NTRK3: variants seen among roughly 807,000 people sequenced by gnomAD.
The protein encoded by NTRK3 is NT-3 growth factor receptor.
In NTRK3, 24 loss-of-function variants were observed where a neutral mutation model predicts 91.7. The observed-to-expected ratio is 0.26, with a 90% CI of 0.19 to 0.37. NTRK3 has a LOEUF of 0.37. Ranked by LOEUF, NTRK3 falls within the 10% of genes least tolerant of loss-of-function variation. The pLI is 1.00. For missense variants in NTRK3, 880 were observed against 1,068.9 expected (o/e 0.82, Z 2.46); for synonymous variants, 483 against 404.0 (o/e 1.20, Z -2.34).
intron 14 of NTRK3, among the ~76,000 whole-genome samples, chr15:88,008,769 CAT>C (rs1340112830): frequency 2.6e-5 from 4 of 152,100 alleles, no homozygotes; most frequent in Admixed American, 6.5e-5. Context: ...CTCCATTATT[CAT>C]AAAGGCATAT....
At chr15:88,135,632 T>C (rs2041804049) in intron 9 of NTRK3, among the ~76,000 whole-genome samples, 1 of 152,180 alleles carries the variant, frequency 6.6e-6, no homozygotes, top group Non-Finnish European at 1.5e-5. Context: ...AGGGGTTTCA[T>C]AAAAGGCAGA....
chr15:88,043,647 C>T (rs1156689064), intron 13 of NTRK3, among the ~76,000 whole-genome samples: 2 of 152,132 alleles, frequency 1.3e-5, no homozygotes, highest in Non-Finnish European at 2.9e-5. Flanking sequence ...AGGGCTAAGC[C>T]CAAATGCCTC....
At chr15:88,085,407 A>G (rs980905226) in intron 13 of NTRK3, among the ~76,000 whole-genome samples, 6 of 152,342 alleles carry the variant, frequency 3.9e-5, no homozygotes, top group African/African-American at 1.4e-4. Flanking sequence ...TAAGAGGTAC[A>G]GACTGTTTCT....
exon 19 of NTRK3, chr15:87,873,547 A>G (rs2064878898): frequency 8.6e-6 from 2 of 231,684 alleles, no homozygotes; most frequent in Admixed American, 5.6e-5. Context: ...AAAAGACACA[A>G]AAGAGCTCAC....
At chr15:87,987,617 A>G (rs1162917050) in intron 14 of NTRK3, among the ~76,000 whole-genome samples, 1 of 151,928 alleles carries the variant, frequency 6.6e-6, no homozygotes, top group Non-Finnish European at 1.5e-5. Flanking sequence ...TTATATATAT[A>G]TGCATTGAAA....
At chr15:87,932,537 G>A (rs2068895230) in intron 16 of NTRK3, among the ~76,000 whole-genome samples, 1 of 152,162 alleles carries the variant, frequency 6.6e-6, no homozygotes, top group Non-Finnish European at 1.5e-5. Flanking sequence ...GCCACCTGAT[G>A]AATTGTAACC....
intron 3 of NTRK3, among the ~76,000 whole-genome samples, chr15:88,198,276 C>T (rs770119407): frequency 2.0e-5 from 3 of 152,092 alleles, no homozygotes; most frequent in African/African-American, 7.2e-5. Flanking sequence ...GCTTCCTCCT[C>T]CTCTCATAAC....
chr15:88,010,088 C>G (rs1596671993), intron 14 of NTRK3, among the ~76,000 whole-genome samples: 1 of 152,196 alleles, frequency 6.6e-6, no homozygotes. Context: ...ATTCTGTTCT[C>G]TGGCCTGTTT....
intron 5 of NTRK3, among the ~76,000 whole-genome samples, chr15:88,179,945 CTG>C (rs1382811612): frequency 6.6e-6 from 1 of 152,228 alleles, no homozygotes; most frequent in African/African-American, 2.4e-5. Context: ...GTGGGCTCCA[CTG>C]TGAGACAGAA....
intron 3 of NTRK3, among the ~76,000 whole-genome samples, chr15:88,238,395 A>T (rs1238895521): frequency 6.6e-6 from 1 of 152,168 alleles, no homozygotes; most frequent in Non-Finnish European, 1.5e-5. Context: ...TGAATATTTT[A>T]TCTACTCATC....
At chr15:88,211,265 A>G (rs747980999) in intron 3 of NTRK3, among the ~76,000 whole-genome samples, 6 of 152,226 alleles carry the variant, frequency 3.9e-5, no homozygotes, top group Non-Finnish European at 8.8e-5. Context: ...TAAAATATGC[A>G]CATGCATTTG....
At chr15:87,930,543 A>T (rs2068703171) in intron 16 of NTRK3, among the ~76,000 whole-genome samples, 1 of 152,144 alleles carries the variant, frequency 6.6e-6, no homozygotes, top group Non-Finnish European at 1.5e-5. Flanking sequence ...GGGTCAGCAG[A>T]GAAGCCCTCC....
At chr15:88,111,970 G>C (rs531817199) in intron 13 of NTRK3, among the ~76,000 whole-genome samples, 5 of 150,206 alleles carry the variant, frequency 3.3e-5, no homozygotes, top group African/African-American at 9.8e-5. Flanking sequence ...GCAGTGGCAC[G>C]ATCTCGGCTC....
intron 13 of NTRK3, among the ~76,000 whole-genome samples, chr15:88,124,634 A>G (rs1407155450): frequency 6.6e-6 from 1 of 152,214 alleles, no homozygotes; most frequent in Non-Finnish European, 1.5e-5. Context: ...CCAGTCCTCA[A>G]AACCAGGAGC....
intron 3 of NTRK3, among the ~76,000 whole-genome samples, chr15:88,231,725 C>T (rs1195827079): frequency 1.3e-5 from 2 of 152,126 alleles, no homozygotes; most frequent in Non-Finnish European, 2.9e-5. Flanking sequence ...CACTCATGAG[C>T]GGTTTAAAGA....
chr15:88,204,856 A>G (rs2048606947), intron 3 of NTRK3, among the ~76,000 whole-genome samples: 1 of 152,210 alleles, frequency 6.6e-6, no homozygotes, highest in Non-Finnish European at 1.5e-5. Flanking sequence ...ACCTCTCAGC[A>G]GAGCAGGGCT....
intron 14 of NTRK3, among the ~76,000 whole-genome samples, chr15:87,948,543 C>G (rs911468151): frequency 2.6e-5 from 4 of 152,130 alleles, no homozygotes; most frequent in African/African-American, 9.7e-5. Flanking sequence ...CAAAAATTAT[C>G]CGCACTCAGT....
chr15:87,885,043 G>C (rs1427025591), intron 17 of NTRK3, among the ~76,000 whole-genome samples: 1 of 151,852 alleles, frequency 6.6e-6, no homozygotes, highest in Non-Finnish European at 1.5e-5. Context: ...AAAGCAGTTA[G>C]AACCATTATA....
In NTRK3 at chr15:88,231,013, G is replaced by A. The variant is rs191930735; in HGVS notation, c.248+24893C>T. Among the ~76,000 whole-genome samples the A allele has an allele frequency of 2.5e-3, 386 of 152,278 alleles. 4 individuals carry two copies. Among genetic ancestry groups the A allele is most frequent in the Non-Finnish European group, 3.5e-3 (236 of 68,020 alleles). Reference sequence around the variant, plus strand: ...CAAGCTATTCTTGCTGGTTTCTTGTGTTGATAAACTTAACCAACATGGGTC... The same window carrying A: ...CAAGCTATTCTTGCTGGTTTCTTGTATTGATAAACTTAACCAACATGGGTC... On this transcript the variant is annotated intron_variant, in intron 3 of 18. Coordinates refer to ENST00000394480, the Ensembl canonical transcript of NTRK3.
Sources: allele counts gnomAD v4.1 joint callset (sites outside exome capture counted in the v4.1 genomes callset), GRCh38; gene constraint gnomAD v4.1.1; transcripts MANE v1.5; gene names NCBI Gene and HGNC (gene_info 2026-07-23, HGNC 2026-07-21).